CPA4: variants seen among roughly 807,000 people sequenced by gnomAD.
CPA4 encodes the protein carboxypeptidase A4.
Under a neutral mutation model 54.7 loss-of-function variants are expected in CPA4, and 49 were observed. That is an observed-to-expected ratio of 0.90 (90% CI 0.71 to 1.14). CPA4 has a LOEUF of 1.14. Among genes scored for constraint, CPA4 ranks in the 50% most tolerant of loss-of-function variants. CPA4 has a pLI of 0.00. For missense variants in CPA4, 487 were observed against 525.1 expected, an observed-to-expected ratio of 0.93 and a Z score of 0.71; for synonymous variants, 215 against 206.8, an observed-to-expected ratio of 1.04 and a Z score of -0.34.
intron 1 of CPA4, chr7:130,293,512 T>C (rs1793603838): frequency 2.4e-6 from 1 of 425,476 alleles, no homozygotes; most frequent in South Asian, 2.3e-5. Flanking sequence ...TTCTTACTTA[T>C]AAGGTCAGTT....
In CPA4 at chr7:130,304,462, C is replaced by CT. The variant is rs762643978; in HGVS notation, c.385-15dup. The stretch of plus-strand genomic sequence containing the variant: ...GATTTTTAAAATGTCCCTGGATTCA[C>CT]TCTTTCATGCTTCAGATTTACCACG... On this transcript the variant is annotated splice_polypyrimidine_tract_variant and intron_variant, in intron 4 of 10. Transcript: ENST00000222482. 1 of 1,499,356 alleles carries CT rather than the reference C, an allele frequency of 6.7e-7. No individual in the cohort carries two copies. Among genetic ancestry groups the CT allele is most frequent in the Non-Finnish European group, 9.3e-7 (1 of 1,075,434 alleles). The allele number at this position is 1,499,356 out of a possible 1,614,324, so 92.9% of individuals were successfully genotyped here.
chr7:130,298,563 T>C (rs1224617096), intron 1 of CPA4, among the ~76,000 whole-genome samples, 183 bp from the exon 2 acceptor site: 1 of 152,220 alleles, frequency 6.6e-6, no homozygotes, highest in African/African-American at 2.4e-5. Flanking sequence ...AGTTATGCCA[T>C]AAGCACTTTT....
chr7:130,314,509 G>T (rs1207363061), intron 10 of CPA4, among the ~76,000 whole-genome samples: 2 of 152,214 alleles, frequency 1.3e-5, no homozygotes, highest in Non-Finnish European at 2.9e-5. Flanking sequence ...AGGAAGAGCT[G>T]CGTAAGCTGA....
chr7:130,307,719 T>C (rs1411040133), intron 7 of CPA4, among the ~76,000 whole-genome samples: 2 of 152,010 alleles, frequency 1.3e-5, no homozygotes, highest in Non-Finnish European at 2.9e-5. Context: ...GTGCTGTGTC[T>C]CTGCAGCCTC....
intron 10 of CPA4, among the ~76,000 whole-genome samples, chr7:130,322,037 T>A (rs1354813874): frequency 6.6e-6 from 1 of 152,190 alleles, no homozygotes; most frequent in Non-Finnish European, 1.5e-5. Flanking sequence ...AGCCACAGTG[T>A]CTTTTATGAC....
At position 130,307,631 on chromosome 7, in the gene CPA4, GA is replaced by G. The variant is rs777184935; in HGVS notation, c.703-658del. Reference sequence around the variant, plus strand: ...GGCGACAGGGCAAGACTCCATCTCAGAAAAAAAAAAAAAAAAAAGTGTTTTT... The same window carrying G: ...GGCGACAGGGCAAGACTCCATCTCAGAAAAAAAAAAAAAAAAAGTGTTTTT... On this transcript the variant is annotated intron_variant, in intron 7 of 10. Transcript: ENST00000222482. Among the ~76,000 whole-genome samples, 765 of 112,116 alleles carry G rather than the reference GA, an allele frequency of 6.8e-3. 5 individuals are homozygous for G. The highest frequency in any genetic ancestry group is 0.02 in the African/African-American group (607 of 30,398). The allele number at this position is 112,116 out of a possible 152,430, so 73.6% of individuals were successfully genotyped here. A position where few individuals can be genotyped will look rare whatever the true frequency, so the allele number is the denominator to read the frequency against.
chr7:130,296,894 G>A (rs1358996992), intron 1 of CPA4, among the ~76,000 whole-genome samples: 2 of 151,172 alleles, frequency 1.3e-5, no homozygotes, highest in Non-Finnish European at 3.0e-5. Flanking sequence ...TTCAGCGGAC[G>A]GGCCCTTGTC....
intron 1 of CPA4, among the ~76,000 whole-genome samples, chr7:130,298,099 C>A (rs1793678050): frequency 6.6e-6 from 1 of 152,176 alleles, no homozygotes; most frequent in Non-Finnish European, 1.5e-5. Flanking sequence ...CAGTTTCCAC[C>A]CAAACGAGCC....
intron 10 of CPA4, among the ~76,000 whole-genome samples, chr7:130,321,647 A>G (rs1436840796): frequency 6.6e-6 from 1 of 152,244 alleles, no homozygotes; most frequent in Non-Finnish European, 1.5e-5. Flanking sequence ...AGGCCTCACA[A>G]TCATGGCAGA....
chr7:130,309,692 A>C (rs1378469696), intron 8 of CPA4, among the ~76,000 whole-genome samples: 1 of 152,162 alleles, frequency 6.6e-6, no homozygotes, highest in Non-Finnish European at 1.5e-5. Context: ...CAGAGTTCTG[A>C]TCTAAACTCA....
At chr7:130,314,908 G>A (rs777780944) in intron 10 of CPA4, among the ~76,000 whole-genome samples, 2 of 152,132 alleles carry the variant, frequency 1.3e-5, no homozygotes, top group East Asian at 1.9e-4. Flanking sequence ...TTCGGGATTC[G>A]GGTGAGGTGA....
intron 1 of CPA4, 59 bp downstream of exon 1, chr7:130,293,307 C>A: frequency 1.0e-6 from 1 of 970,048 alleles, no homozygotes; most frequent in Non-Finnish European, 1.7e-6. Context: ...CCAAATGGAA[C>A]TGAAAATGAA....
chr7:130,319,565 A>G (rs1347471918), intron 10 of CPA4, among the ~76,000 whole-genome samples: 3 of 152,236 alleles, frequency 2.0e-5, no homozygotes, highest in African/African-American at 7.2e-5. Context: ...CAGGGGAATC[A>G]CAGGAGAATG....
chr7:130,295,127 C>T (rs999319058), intron 1 of CPA4, among the ~76,000 whole-genome samples: 1 of 152,238 alleles, frequency 6.6e-6, no homozygotes, highest in African/African-American at 2.4e-5. Flanking sequence ...TCAACAGTAG[C>T]TGGCAGGCAT....
chr7:130,307,631 GAAAAAAA>G (rs777184935), intron 7 of CPA4, among the ~76,000 whole-genome samples: 2 of 112,160 alleles, frequency 1.8e-5, no homozygotes, highest in East Asian at 2.4e-4. Context: ...CTCCATCTCA[GAAAAAAA>G]AAAAAAAAAA....
intron 3 of CPA4, among the ~76,000 whole-genome samples, chr7:130,300,580 C>T (rs12538218): frequency 0.3 from 44,944 of 151,546 alleles, 6,852 homozygotes; most frequent in South Asian, 0.34. Context: ...GTGATCCGCC[C>T]GCCTCAGCCT....
At chr7:130,312,996 T>G (rs929183860) in intron 10 of CPA4, among the ~76,000 whole-genome samples, 5 of 152,166 alleles carry the variant, frequency 3.3e-5, no homozygotes. Context: ...GGGGCTAGTT[T>G]TTAATCAAGG....
chr7:130,298,766 A>G lies in CPA4; in HGVS notation c.89A>G (p.Asn30Ser). The G allele has an allele frequency of 1.2e-6, 2 of 1,610,510 alleles. No homozygotes were observed. The highest frequency in any genetic ancestry group is 1.7e-6 in the Non-Finnish European group (2 of 1,176,764). ...KFFGDQVLRI[N>S]VRNGDEISKL... The stretch of plus-strand genomic sequence containing the variant: ...CCCAGGGACCAAGTTTTGAGGATTA[A>G]TGTCAGAAATGGAGACGAGATCAGC... Residue 30 changes from asparagine to serine, a missense_variant, in exon 2 of 11, where the codon AAT (asparagine) becomes AGT (serine). Coordinates refer to ENST00000222482, the MANE Select transcript of CPA4 (RefSeq NM_016352.4).
chr7:130,322,540 T>C lies in CPA4; in HGVS notation c.1130T>C (p.Phe377Ser). 6.2e-7 allele frequency: 1 copy of C among 1,614,020 alleles called. No individual in the cohort carries two copies. The highest frequency in any genetic ancestry group is 8.5e-7 in the Non-Finnish European group (1 of 1,179,930). Residue 377 changes from phenylalanine to serine, a missense_variant, in exon 11 of 11, where the codon TTT becomes TCT. Coordinates refer to ENST00000222482, the MANE Select transcript of CPA4 (RefSeq NM_016352.4). ...TGGGCATATGACAACGGCATCAAAT[T>C]TGCATTCACATTTGAGTTGAGAGAT... is the stretch of plus-strand genomic sequence containing the variant. The part of the protein sequence containing the change: ...IDWAYDNGIK[F>S]AFTFELRDTG...
Sources: gnomAD v4.1 joint callset for allele counts (sites outside exome capture counted in the v4.1 genomes callset) on GRCh38, gnomAD v4.1.1 for gene constraint, MANE v1.5 for transcripts, NCBI Gene and HGNC (gene_info 2026-07-23, HGNC 2026-07-21) for gene names.